Variants in CALN1 observed in about 807,000 individuals in gnomAD.
The protein encoded by CALN1 is calneuron 1.
Under a neutral mutation model 30.6 loss-of-function variants are expected in CALN1, and 17 were observed. The ratio of observed to expected loss-of-function variants is 0.56; its 90% CI spans 0.38 to 0.83. The LOEUF (loss-of-function observed/expected upper bound fraction) is 0.83, where lower values mean the gene tolerates loss of function less well. Among genes scored for constraint, CALN1 ranks in the 40% least tolerant of loss-of-function variants. The pLI, the probability that CALN1 is intolerant of heterozygous loss-of-function variation, is 0.00. For missense variants in CALN1, 291 were observed against 354.9 expected, an observed-to-expected ratio of 0.82 and a Z score of 1.45; for synonymous variants, 156 against 131.4, an observed-to-expected ratio of 1.19 and a Z score of -1.28.
At chr7:72,007,837 G>A (rs1261268370) in intron 5 of CALN1, among the ~76,000 whole-genome samples, 1 of 152,160 alleles carries the variant, frequency 6.6e-6, no homozygotes, top group Non-Finnish European at 1.5e-5. Flanking sequence ...AAAGTGCTGG[G>A]ATTATAGCCA....
At chr7:71,986,771 A>G (rs1032942623) in intron 5 of CALN1, among the ~76,000 whole-genome samples, 10 of 152,238 alleles carry the variant, frequency 6.6e-5, no homozygotes, top group African/African-American at 2.2e-4. Context: ...GATTTGTTAT[A>G]TAACATGGTG....
the CALN1 span, among the ~76,000 whole-genome samples, chr7:72,459,188 A>G: frequency 2.6e-5 from 4 of 151,914 alleles, no homozygotes; most frequent in Non-Finnish European, 5.9e-5. Flanking sequence ...ACAGGCATGA[A>G]CCACCGCGCC....
At chr7:72,150,936 A>G (rs1025408655) in intron 3 of CALN1, among the ~76,000 whole-genome samples, 10 of 151,822 alleles carry the variant, frequency 6.6e-5, no homozygotes, top group South Asian at 2.1e-4. Context: ...ATGAGCCTGC[A>G]TCATGAGGCT....
At chr7:71,966,957 C>T (rs1797559514) in intron 5 of CALN1, among the ~76,000 whole-genome samples, 1 of 152,162 alleles carries the variant, frequency 6.6e-6, no homozygotes, top group Non-Finnish European at 1.5e-5. Context: ...AAGATATGTC[C>T]TTGTTCAGCT....
At chr7:71,896,758 C>A (rs531907873) in intron 5 of CALN1, among the ~76,000 whole-genome samples, 2 of 152,114 alleles carry the variant, frequency 1.3e-5, no homozygotes, top group Non-Finnish European at 2.9e-5. Context: ...TCTGAGGCAG[C>A]CAGAGAGCTC....
At chr7:72,371,226 G>A (rs117378958) in intron 2 of CALN1, among the ~76,000 whole-genome samples, 1 of 152,072 alleles carries the variant, frequency 6.6e-6, no homozygotes, top group African/African-American at 2.4e-5. Flanking sequence ...TTACATTTAA[G>A]TCTGTGATCC....
At chr7:71,944,594 C>CAAAAAAAAAAAAAAAAAAAAAAAAAAAAA (rs10677940) in intron 5 of CALN1, among the ~76,000 whole-genome samples, 1 of 60,002 alleles carries the variant, frequency 1.7e-5, no homozygotes, top group Non-Finnish European at 2.9e-5. Flanking sequence ...AACTCCATCC[C>CAAAAAAAAAAAAAAAAAAAAAAAAAAAAA]AAAAAAAAAA....
chr7:72,171,948 G>A (rs748092686), intron 3 of CALN1, among the ~76,000 whole-genome samples: 10 of 152,146 alleles, frequency 6.6e-5, no homozygotes, highest in African/African-American at 1.7e-4. Context: ...AAAGATCACA[G>A]GTCATGTAGC....
At chr7:72,370,294 T>C (rs1804150471) in intron 2 of CALN1, among the ~76,000 whole-genome samples, 3 of 152,228 alleles carry the variant, frequency 2.0e-5, no homozygotes. Flanking sequence ...CTATTTTTTA[T>C]CTTGTGCTCA....
chr7:72,166,632 G>C (rs1374765058), intron 3 of CALN1, among the ~76,000 whole-genome samples: 1 of 152,188 alleles, frequency 6.6e-6, no homozygotes, highest in African/African-American at 2.4e-5. Context: ...TAACAAACAA[G>C]AGCAAAATAT....
chr7:72,360,424 ATTTT>A (rs1803503223), intron 2 of CALN1, among the ~76,000 whole-genome samples: 1 of 151,922 alleles, frequency 6.6e-6, no homozygotes, highest in Non-Finnish European at 1.5e-5. Context: ...TAGTTTTGAA[ATTTT>A]TTTATTTAAA....
intron 1 of CALN1, among the ~76,000 whole-genome samples, chr7:72,427,990 G>A (rs1208896684): frequency 3.3e-5 from 5 of 151,906 alleles, no homozygotes; most frequent in South Asian, 2.1e-4. Context: ...CTGATATTCC[G>A]TCCAGGGTGC....
intron 2 of CALN1, among the ~76,000 whole-genome samples, chr7:72,308,312 T>C (rs1180144428): frequency 1.5e-5 from 2 of 136,880 alleles, no homozygotes; most frequent in Non-Finnish European, 3.0e-5. Context: ...TGCAGTGAGC[T>C]GAGATTGCAC....
chr7:71,831,871 C>CAAAAA (rs751078568), intron 5 of CALN1, among the ~76,000 whole-genome samples: 5 of 20,872 alleles, frequency 2.4e-4, no homozygotes, highest in African/African-American at 3.8e-4. Context: ...AACCCTGCCT[C>CAAAAA]AAAAAAAAAA....
upstream of CALN1, among the ~76,000 whole-genome samples, chr7:72,412,606 C>G (rs1012627012): frequency 6.6e-6 from 1 of 152,184 alleles, no homozygotes; most frequent in African/African-American, 2.4e-5. Context: ...AGAAGCCCAG[C>G]TGGCTTCACC....
In CALN1 at chr7:72,403,329, T is replaced by C. The variant is rs932242244; in HGVS notation, c.41A>G (p.Asn14Ser). The change falls in exon 2 of 7, where the codon AAT becomes AGT. Residue 14 changes from asparagine to serine, a missense_variant. Coordinates refer to ENST00000395275, the MANE Select transcript of CALN1 (RefSeq NM_031468.4). ...GGCTCCTCCGTCCCCCTTTTTCTCA[T>C]TCTCGGGCTTCCCCTCTCCGGGTTG... ...PEQPGEGKPE[N>S]EKKGDGGALG... 10 of 1,549,506 alleles carry C rather than the reference T, an allele frequency of 6.5e-6. No homozygotes were observed. The African/African-American group carries it at 1.1e-4, about 17-fold the overall frequency.
At chr7:71,946,113 A>G (rs1796393587) in intron 5 of CALN1, among the ~76,000 whole-genome samples, 1 of 152,294 alleles carries the variant, frequency 6.6e-6, no homozygotes, top group South Asian at 2.1e-4. Flanking sequence ...CAAGTTCCAA[A>G]AGGATTTTTG....
At position 71,794,533 on chromosome 7, in the gene CALN1, C is replaced by T. The variant is rs549278351; in HGVS notation, c.659-6631G>A. Among the ~76,000 whole-genome samples, 11 of 152,256 alleles carry T rather than the reference C, an allele frequency of 7.2e-5. No homozygotes were observed. The East Asian group carries it at 9.7e-4, about 13-fold the overall frequency. On this transcript the variant is annotated intron_variant, in intron 6 of 6. Transcript: ENST00000395275. The stretch of plus-strand genomic sequence containing the variant: ...CCCCGGACAAATGAAGGAACTTCTG[C>T]GAGCGTCAGTTTCTCTCTCTGTAAA...
chr7:72,363,589 G>C (rs952509509), intron 2 of CALN1, among the ~76,000 whole-genome samples: 1 of 151,908 alleles, frequency 6.6e-6, no homozygotes, highest in Non-Finnish European at 1.5e-5. Context: ...ACAGAAAAAA[G>C]TATCAGTCTA....
Sources: gnomAD v4.1 joint callset for allele counts (sites outside exome capture counted in the v4.1 genomes callset) on GRCh38, gnomAD v4.1.1 for gene constraint, MANE v1.5 for transcripts, NCBI Gene and HGNC (gene_info 2026-07-23, HGNC 2026-07-21) for gene names.